The following JAM3 variants were observed in gnomAD, a reference collection of about 807,000 sequenced individuals.
The protein encoded by JAM3 is junctional adhesion molecule C.
JAM3 carries 31 observed loss-of-function variants against 39.4 expected under a neutral mutation model. The observed-to-expected ratio is 0.79, with a 90% confidence interval of 0.59 to 1.06. The LOEUF is 1.06. Ranked by LOEUF, JAM3 falls within the 50% of genes least tolerant of loss-of-function variation. JAM3 has a pLI of 0.00. For missense variants in JAM3, 455 were observed against 391.4 expected, an observed-to-expected ratio of 1.16 and a Z score of -1.37; for synonymous variants, 182 against 148.7, an observed-to-expected ratio of 1.22 and a Z score of -1.63.
chr11:134,143,234 T>A (rs1035825311), intron 3 of JAM3, among the ~76,000 whole-genome samples: 9 of 152,204 alleles, frequency 5.9e-5, no homozygotes, highest in African/African-American at 1.7e-4. Flanking sequence ...TCCCACATCC[T>A]TACCAACACT....
intron 1 of JAM3, among the ~76,000 whole-genome samples, chr11:134,094,229 T>G (rs561572708): frequency 8.3e-4 from 108 of 130,816 alleles, no homozygotes; most frequent in African/African-American, 3.1e-3. Flanking sequence ...TGAGGGAAGC[T>G]TCTCCTGAAC....
At chr11:134,093,856 T>C (rs1220141059) in intron 1 of JAM3, among the ~76,000 whole-genome samples, 8 of 98,654 alleles carry the variant, frequency 8.1e-5, no homozygotes, top group African/African-American at 1.9e-4. Context: ...ACATGTCACT[T>C]CCTGAGGGAA....
intron 1 of JAM3, among the ~76,000 whole-genome samples, chr11:134,081,120 A>G (rs574141796): frequency 3.9e-5 from 6 of 152,342 alleles, no homozygotes; most frequent in East Asian, 3.9e-4. Context: ...AAAACATTCA[A>G]GAGTTGACTT....
At chr11:134,140,089 C>A (rs1942947211) in intron 2 of JAM3, among the ~76,000 whole-genome samples, 173 bp downstream of exon 2, 1 of 152,214 alleles carries the variant, frequency 6.6e-6, no homozygotes, top group Admixed American at 6.5e-5. Context: ...GGCAGTGAGC[C>A]CTGTGCAGTT....
At chr11:134,105,765 A>C (rs1338409237) in intron 1 of JAM3, among the ~76,000 whole-genome samples, 1 of 152,218 alleles carries the variant, frequency 6.6e-6, no homozygotes, top group Admixed American at 6.5e-5. Context: ...CAAAGAGAAT[A>C]AAATACCTAG....
chr11:134,071,336 A>T (rs772733925), intron 1 of JAM3, among the ~76,000 whole-genome samples: 1 of 152,214 alleles, frequency 6.6e-6, no homozygotes, highest in African/African-American at 2.4e-5. Flanking sequence ...TGCGTTTTAA[A>T]TGGGAAATCC....
intron 3 of JAM3, among the ~76,000 whole-genome samples, chr11:134,142,063 C>G (rs1329036155): frequency 1.3e-5 from 2 of 152,090 alleles, no homozygotes; most frequent in Admixed American, 6.6e-5. Context: ...GAACACAGAT[C>G]TGTTTTCTTT....
At chr11:134,131,862 G>A (rs1236673323) in intron 1 of JAM3, among the ~76,000 whole-genome samples, 1 of 152,080 alleles carries the variant, frequency 6.6e-6, no homozygotes. Context: ...AACTAGCAAA[G>A]TAGAAGTTAG....
chr11:134,135,772 T>C (rs1014299093), intron 1 of JAM3, among the ~76,000 whole-genome samples: 1 of 152,004 alleles, frequency 6.6e-6, no homozygotes, highest in African/African-American at 2.4e-5. Flanking sequence ...AAGAGATAAA[T>C]AAAAGCTGTT....
intron 5 of JAM3, 146 bp from the exon 6 acceptor site, chr11:134,145,800 A>G (rs1943060199): frequency 1.4e-6 from 1 of 704,472 alleles, no homozygotes; most frequent in East Asian, 2.6e-5. Context: ...GGTATCAGGG[A>G]GTGGGTCAGG....
intron 3 of JAM3, among the ~76,000 whole-genome samples, chr11:134,142,280 C>T (rs755519139): frequency 5.9e-5 from 9 of 152,174 alleles, no homozygotes; most frequent in Non-Finnish European, 1.2e-4. Context: ...TCTTTCCTCG[C>T]CTCAGTGCAG....
intron 1 of JAM3, among the ~76,000 whole-genome samples, chr11:134,127,013 A>T (rs575104469): frequency 2.0e-5 from 3 of 152,386 alleles, no homozygotes; most frequent in Non-Finnish European, 4.4e-5. Context: ...AGGAATTATC[A>T]AACTATTATC....
intron 1 of JAM3, among the ~76,000 whole-genome samples, chr11:134,138,878 G>T (rs1029050987): frequency 6.6e-6 from 1 of 152,186 alleles, no homozygotes; most frequent in Non-Finnish European, 1.5e-5. Flanking sequence ...CATTAAAGAA[G>T]ATAAAGGAAA....
chr11:134,124,259 G>A (rs1942595848), intron 1 of JAM3: 3 of 1,062,218 alleles, frequency 2.8e-6, no homozygotes, highest in Middle Eastern at 2.3e-4. Context: ...GAGTAGCACT[G>A]GTAGGGTTGT....
intron 1 of JAM3, among the ~76,000 whole-genome samples, chr11:134,091,512 AGATAGATG>A (rs892579009): frequency 4.2e-5 from 6 of 144,280 alleles, no homozygotes; most frequent in East Asian, 2.5e-4. Context: ...ATAAATAGAT[AGATAGATG>A]GATAGATAGA....
intron 1 of JAM3, among the ~76,000 whole-genome samples, chr11:134,124,508 CA>C (rs1272811087): frequency 6.6e-6 from 1 of 152,168 alleles, no homozygotes; most frequent in Non-Finnish European, 1.5e-5. Flanking sequence ...TCAAGATAAG[CA>C]AAGTATTTAG....
intron 1 of JAM3, among the ~76,000 whole-genome samples, chr11:134,087,003 CTTTG>C (rs1941755647): frequency 6.6e-6 from 1 of 152,088 alleles, no homozygotes; most frequent in African/African-American, 2.4e-5. Flanking sequence ...TGAGGTCTCA[CTTTG>C]TTGCCCAGGC....
chr11:134,072,589 C>T (rs371212123), intron 1 of JAM3, among the ~76,000 whole-genome samples: 4 of 152,214 alleles, frequency 2.6e-5, no homozygotes, highest in Admixed American at 6.5e-5. Context: ...AGATTACAGG[C>T]GTGAGCCACC....
chr11:134,100,800 T>G (rs943300420), intron 1 of JAM3, among the ~76,000 whole-genome samples: 5 of 152,236 alleles, frequency 3.3e-5, no homozygotes, highest in African/African-American at 1.2e-4. Flanking sequence ...AAACACTTGA[T>G]AAGCAGTAGA....
Sources: gnomAD v4.1 joint callset for allele counts (sites outside exome capture counted in the v4.1 genomes callset) on GRCh38, gnomAD v4.1.1 for gene constraint, MANE v1.5 for transcripts, NCBI Gene and HGNC (gene_info 2026-07-23, HGNC 2026-07-21) for gene names.